EHBP1: variants seen among roughly 807,000 people sequenced by gnomAD.
The protein encoded by EHBP1 is EH domain binding protein 1.
In EHBP1, 55 loss-of-function variants were observed where a neutral mutation model predicts 144.0. The ratio of observed to expected loss-of-function variants is 0.38; its 90% CI spans 0.31 to 0.48. The LOEUF is 0.48. Among genes scored for constraint, EHBP1 ranks in the 20% least tolerant of loss-of-function variants. The probability of loss-of-function intolerance (pLI) is 0.98; values close to 1 mark genes in which losing one functional copy is unlikely to be tolerated. For missense variants in EHBP1, 1,200 were observed against 1,364.2 expected, an observed-to-expected ratio of 0.88 and a Z score of 1.90; for synonymous variants, 469 against 472.7, an observed-to-expected ratio of 0.99 and a Z score of 0.10.
intron 7 of EHBP1, among the ~76,000 whole-genome samples, chr2:62,842,330 G>T (rs1288956299): frequency 1.3e-5 from 2 of 152,082 alleles, no homozygotes; most frequent in African/African-American, 4.8e-5. Flanking sequence ...CAGGAGATCC[G>T]CCCGCTTTCC....
intron 4 of EHBP1, among the ~76,000 whole-genome samples, chr2:62,770,745 A>G (rs185283257): frequency 2.6e-5 from 4 of 152,360 alleles, no homozygotes; most frequent in Non-Finnish European, 5.9e-5. Flanking sequence ...TAGCAAAGAC[A>G]TGGAATCAAC....
chr2:62,862,338 G>A (rs367759452), intron 8 of EHBP1, among the ~76,000 whole-genome samples: 48 of 152,338 alleles, frequency 3.2e-4, no homozygotes, highest in African/African-American at 1.0e-3. Flanking sequence ...GCCGGGCATG[G>A]TGGCTCACAC....
chr2:62,678,406 G>A (rs575484903), intron 1 of EHBP1, among the ~76,000 whole-genome samples: 6 of 152,226 alleles, frequency 3.9e-5, no homozygotes, highest in Admixed American at 3.9e-4. Flanking sequence ...TGAGTAGTTT[G>A]CAAATCTTTT....
In EHBP1 at chr2:62,756,792, C is replaced by G. The variant is rs1017087332; in HGVS notation, c.163-7474C>G. Reference sequence around the variant, plus strand: ...TCAAAAAAAAAAAAAAAAAAAAAGACAGAAAATGCTGTTTTATAAATTGTA... The same window carrying G: ...TCAAAAAAAAAAAAAAAAAAAAAGAGAGAAAATGCTGTTTTATAAATTGTA... On this transcript the variant is annotated intron_variant, in intron 3 of 22. Transcript: ENST00000431489. 4.7e-4 allele frequency among the ~76,000 whole-genome samples: 62 copies of G among 131,998 alleles called. 1 individual carries two copies. The highest frequency in any genetic ancestry group is 1.6e-3 in the African/African-American group (55 of 35,398). The allele number at this position is 131,998 out of a possible 152,430, so 86.6% of individuals were successfully genotyped here. A position where few individuals can be genotyped will look rare whatever the true frequency, so the allele number is the denominator to read the frequency against.
At chr2:62,776,264 T>G (rs535749430) in intron 5 of EHBP1, among the ~76,000 whole-genome samples, 1 of 152,200 alleles carries the variant, frequency 6.6e-6, no homozygotes, top group African/African-American at 2.4e-5. Flanking sequence ...CCAGAAACTT[T>G]AGAGTTGAAA....
At position 62,775,729 on chromosome 2, in the gene EHBP1, G is replaced by T. The variant is rs180742035; in HGVS notation, c.312+4337G>T. ...ATGCTTTATACACATTATCTCATTT[G>T]CTCATTATAATAACTCTGGTGTGAG... On this transcript the variant is annotated intron_variant, in intron 5 of 22. Transcript: ENST00000431489. Among the ~76,000 whole-genome samples the T allele has an allele frequency of 2.4e-4, 37 of 152,224 alleles. No individual in the cohort carries two copies. In the East Asian group the frequency reaches 5.6e-3, roughly 23 times the overall value.
intron 5 of EHBP1, among the ~76,000 whole-genome samples, chr2:62,779,425 C>G (rs942771505): frequency 6.6e-6 from 1 of 152,130 alleles, no homozygotes; most frequent in African/African-American, 2.4e-5. Context: ...GAAACCAGTC[C>G]TTTCCTTACC....
intron 5 of EHBP1, among the ~76,000 whole-genome samples, chr2:62,774,927 A>T (rs148338872): frequency 4.0e-4 from 61 of 152,264 alleles, no homozygotes; most frequent in African/African-American, 1.4e-3. Context: ...TGTGTGTGTG[A>T]GAGAGAGGAT....
chr2:63,012,444 A>G (rs2060307129), intron 19 of EHBP1, among the ~76,000 whole-genome samples: 2 of 152,162 alleles, frequency 1.3e-5, no homozygotes, highest in Non-Finnish European at 2.9e-5. Context: ...AGCAAAATAT[A>G]TAATAGCTAA....
At chr2:62,794,086 G>C (rs1407861452) in intron 5 of EHBP1, among the ~76,000 whole-genome samples, 2 of 152,040 alleles carry the variant, frequency 1.3e-5, no homozygotes, top group Non-Finnish European at 2.9e-5. Context: ...AAAACAGAGA[G>C]CTGAGAACTG....
chr2:62,743,734 A>C (rs1370354666), intron 2 of EHBP1, among the ~76,000 whole-genome samples: 1 of 152,132 alleles, frequency 6.6e-6, no homozygotes. Context: ...GTTTTCATAC[A>C]CAGTAGCTCA....
At chr2:62,691,593 C>T (rs927164391) in intron 1 of EHBP1, among the ~76,000 whole-genome samples, 5 of 152,132 alleles carry the variant, frequency 3.3e-5, no homozygotes, top group African/African-American at 1.2e-4. Flanking sequence ...ACAATATTTG[C>T]TTCTGAACTC....
chr2:62,676,527 C>T (rs2151719874), intron 1 of EHBP1, among the ~76,000 whole-genome samples: 1 of 152,276 alleles, frequency 6.6e-6, no homozygotes, highest in Admixed American at 6.5e-5. Flanking sequence ...GTGAATAAAG[C>T]CACGGGTTAG....
At position 62,816,469 on chromosome 2, in the gene EHBP1, A is replaced by C; in HGVS notation, c.313-9618A>C. 1.3e-5 allele frequency among the ~76,000 whole-genome samples: 2 copies of C among 152,240 alleles called. 1 individual carries two copies. The highest frequency in any genetic ancestry group is 3.8e-4 in the East Asian group (2 of 5,204). On this transcript the variant is annotated intron_variant, in intron 5 of 22. Transcript: ENST00000431489. ...TCTTTGGAGTTCTCAAATAAAGTGT[A>C]TAAAGGGTCTTAAGACAAAAACCCT...
chr2:62,712,346 G>A (rs1015796337), intron 2 of EHBP1, among the ~76,000 whole-genome samples: 5 of 152,168 alleles, frequency 3.3e-5, no homozygotes, highest in African/African-American at 1.2e-4. Context: ...GGAGGTGACA[G>A]TTGTTGAAGA....
intron 6 of EHBP1, among the ~76,000 whole-genome samples, chr2:62,827,685 T>G (rs1205392321): frequency 6.6e-6 from 1 of 152,082 alleles, no homozygotes; most frequent in Non-Finnish European, 1.5e-5. Context: ...TTTTTTTTTT[T>G]GAGACAGAGT....
chr2:62,789,949 C>G (rs536592354), intron 5 of EHBP1, among the ~76,000 whole-genome samples: 1 of 152,302 alleles, frequency 6.6e-6, no homozygotes, highest in East Asian at 1.9e-4. Flanking sequence ...CTTTAGTTTT[C>G]TATATGATGT....
intron 10 of EHBP1, among the ~76,000 whole-genome samples, chr2:62,923,968 GT>G (rs1302506671): frequency 2.0e-5 from 3 of 152,184 alleles, no homozygotes; most frequent in African/African-American, 7.2e-5. Context: ...TGTGTCTCAA[GT>G]CTGAGAAACA....
At chr2:62,761,405 A>G (rs1459665637) in intron 3 of EHBP1, among the ~76,000 whole-genome samples, 2 of 152,150 alleles carry the variant, frequency 1.3e-5, no homozygotes, top group African/African-American at 4.8e-5. Flanking sequence ...ATTATTGACA[A>G]TTCATAAGTT....
Sources: allele counts gnomAD v4.1 joint callset (sites outside exome capture counted in the v4.1 genomes callset), GRCh38; gene constraint gnomAD v4.1.1; transcripts MANE v1.5; gene names NCBI Gene and HGNC (gene_info 2026-07-23, HGNC 2026-07-21).